Variants in AARS1 observed in about 807,000 individuals in gnomAD.
AARS1 encodes alanine--tRNA ligase, cytoplasmic.
In AARS1, 72 loss-of-function variants were observed where a neutral mutation model predicts 108.9. That is an observed-to-expected ratio of 0.66 (90% confidence interval 0.55 to 0.80). AARS1 has a LOEUF of 0.80. Among genes scored for constraint, AARS1 ranks in the 30% least tolerant of loss-of-function variants. AARS1 has a pLI of 0.00. For synonymous variants in AARS1, 489 were observed against 465.7 expected, an observed-to-expected ratio of 1.05 and a Z score of -0.64; for missense variants, 1,193 against 1,233.2, an observed-to-expected ratio of 0.97 and a Z score of 0.49.
intron 4 of AARS1, 99 bp downstream of exon 4, chr16:70,276,387 G>A: frequency 2.9e-6 from 4 of 1,379,432 alleles, no homozygotes; most frequent in South Asian, 2.3e-5. Context: ...GGAACCCTGA[G>A]ATGCAAAATG....
intron 1 of AARS1, among the ~76,000 whole-genome samples, chr16:70,286,305 A>G (rs1048295257): frequency 6.6e-6 from 1 of 151,664 alleles, no homozygotes; most frequent in South Asian, 2.1e-4. Context: ...TACTAACAGG[A>G]GCTGTAAAGG....
chr16:70,277,277 T>C, intron 2 of AARS1, 123 bp from the exon 3 acceptor site: 2 of 1,066,658 alleles, frequency 1.9e-6, no homozygotes, highest in East Asian at 2.4e-5. Flanking sequence ...GCCTGGAATA[T>C]AGACACTTGT....
At chr16:70,283,486 C>G (rs1253331499) in intron 1 of AARS1, among the ~76,000 whole-genome samples, 1 of 151,912 alleles carries the variant, frequency 6.6e-6, no homozygotes, top group Non-Finnish European at 1.5e-5. Flanking sequence ...GAGAGAGGCT[C>G]AGGAGACCGG....
At chr16:70,272,243 G>A (rs1279170904) in intron 4 of AARS1, among the ~76,000 whole-genome samples, 2 of 152,234 alleles carry the variant, frequency 1.3e-5, no homozygotes, top group Admixed American at 6.5e-5. Context: ...GGTGGCTCAT[G>A]CCTGTAATCC....
chr16:70,275,042 C>T (rs1397744144), intron 4 of AARS1, among the ~76,000 whole-genome samples: 1 of 149,444 alleles, frequency 6.7e-6, no homozygotes, highest in Non-Finnish European at 1.5e-5. Context: ...GGTGGATCAC[C>T]TGAAGTCAGG....
chr16:70,265,787 T>A, intron 9 of AARS1, 125 bp from the exon 10 acceptor site: 3 of 1,211,492 alleles, frequency 2.5e-6, no homozygotes, highest in Non-Finnish European at 3.5e-6. Context: ...ATCGGCCCTG[T>A]GTGCCCATCA....
At chr16:70,260,752 T>A (rs1023436496) in intron 13 of AARS1, among the ~76,000 whole-genome samples, 2 of 151,870 alleles carry the variant, frequency 1.3e-5, no homozygotes, top group Admixed American at 1.3e-4. Flanking sequence ...AAGCTCCCCC[T>A]CCCGGGTTCA....
chr16:70,270,382 A>C (rs1224523226), intron 5 of AARS1, 42 bp from the exon 6 acceptor site: 1 of 1,612,096 alleles, frequency 6.2e-7, no homozygotes, highest in Non-Finnish European at 8.5e-7. Flanking sequence ...CAGAGACTCA[A>C]GCTGCCACCT....
chr16:70,254,255 C>A, intron 17 of AARS1: 1 of 653,912 alleles, frequency 1.5e-6, no homozygotes, highest in East Asian at 2.8e-5. Context: ...CCAAATCAGG[C>A]CCGGTCCTTA....
rs1392470267 is a variant in AARS1 at position 70,282,629 on chromosome 16, G to A, written c.135C>T (p.Gly45=). The A allele has an allele frequency of 6.2e-7, 1 of 1,614,166 alleles. No homozygotes were observed. The highest frequency in any genetic ancestry group is 1.3e-5 in the African/African-American group (1 of 75,046). The change falls in exon 2 of 21, where the codon GGC becomes GGT. Residue 45 remains glycine (G), a synonymous_variant. Coordinates refer to ENST00000261772, the MANE Select transcript of AARS1 (RefSeq NM_001605.3). ...AAGGAAAAACCCTTACCTGGTTCATGCCTGCATTGGCAAAGAGCAAAGTGG... is the reference window on the plus strand; with the variant it reads ...AAGGAAAAACCCTTACCTGGTTCATACCTGCATTGGCAAAGAGCAAAGTGG... ...DDPTLLFANA[G]MNQFKPIFLN...
chr16:70,255,751 C>G lies in AARS1; in HGVS notation c.2263G>C (p.Val755Leu), dbSNP rs1369443577. ...ACCTTCTGGGCCTCGGCACCTGTGA[C>G]AGCCACAATCCTCCGGATACCCTTG... ...IAKGIRRIVA[V>L]TGAEAQKALR... Residue 755 changes from valine (V) to leucine (L), a missense_variant, in exon 16 of 21, where the codon GTC becomes CTC. By Grantham distance (32) the Val-to-Leu change is conservative (BLOSUM62 1). Coordinates refer to ENST00000261772, the MANE Select transcript of AARS1 (RefSeq NM_001605.3). 6 of 1,614,204 alleles carry G rather than the reference C, an allele frequency of 3.7e-6. No individual in the cohort carries two copies. The highest frequency in any genetic ancestry group is 5.1e-6 in the Non-Finnish European group (6 of 1,180,026).
intron 4 of AARS1, among the ~76,000 whole-genome samples, chr16:70,274,585 G>A (rs1298792257): frequency 2.0e-5 from 3 of 151,766 alleles, no homozygotes; most frequent in Non-Finnish European, 1.5e-5. Flanking sequence ...TTAGCCAGGC[G>A]TGGTAGTGTG....
chr16:70,278,383 T>C (rs1960604191), intron 2 of AARS1, among the ~76,000 whole-genome samples: 1 of 151,760 alleles, frequency 6.6e-6, no homozygotes, highest in Non-Finnish European at 1.5e-5. Context: ...CTGACCAACA[T>C]GGAGAAACCC....
intron 2 of AARS1, among the ~76,000 whole-genome samples, chr16:70,278,721 A>G (rs559132475): frequency 6.6e-6 from 1 of 152,232 alleles, no homozygotes; most frequent in Admixed American, 6.5e-5. Context: ...TTAGATCACA[A>G]ACTCCTTAAA....
rs760839902 is a variant in AARS1, at chr16:70,271,777, C to A, written c.671+4G>T. ...AAAGGAATGGAGTAGGAACCCAAGG[C>A]TACCTGTTATACTGGATGAACACAA... On this transcript the variant is annotated splice_donor_region_variant and intron_variant, in intron 5 of 20. Coordinates refer to ENST00000261772, the MANE Select transcript of AARS1 (RefSeq NM_001605.3). The A allele has an allele frequency of 3.1e-6, 5 of 1,613,876 alleles. No homozygotes were observed. Among genetic ancestry groups the A allele is most frequent in the Non-Finnish European group, 2.5e-6 (3 of 1,179,944 alleles).
Position 70,252,915 on chromosome 16 carries a change from C to G in AARS1, c.2722-9G>C. 6.2e-7 allele frequency: 1 copy of G among 1,614,002 alleles called. No individual in the cohort carries two copies. Among genetic ancestry groups the G allele is most frequent in the Non-Finnish European group, 8.5e-7 (1 of 1,179,992 alleles). On this transcript the variant is annotated splice_polypyrimidine_tract_variant and intron_variant, in intron 20 of 20. Coordinates refer to ENST00000261772, the MANE Select transcript of AARS1 (RefSeq NM_001605.3). ...CCCCGATTGGCTGCATTCTAGAAGA[C>G]AGGAAGGGAAGGGGGAGTCAGCACA...
intron 17 of AARS1, 62 bp from the exon 18 acceptor site, chr16:70,254,100 C>T: frequency 6.2e-7 from 1 of 1,606,320 alleles, no homozygotes. Context: ...CAGGGTCCAG[C>T]CCACCCCACC....
chr16:70,276,691 GAGACCAGA>G, intron 3 of AARS1, 60 bp from the exon 4 acceptor site: 1 of 1,549,520 alleles, frequency 6.5e-7, no homozygotes, highest in African/African-American at 1.4e-5. Context: ...TATTTAGTAT[GAGACCAGA>G]TGCTAGGAAC....
Position 70,275,936 on chromosome 16 carries a change from C to CAAAAAAAAAAAAA in AARS1, c.479+537_479+549dup, listed in dbSNP as rs59002209. 81 of 37,924 alleles carry CAAAAAAAAAAAAA rather than the reference C, an allele frequency of 2.1e-3. 5 individuals are homozygous for CAAAAAAAAAAAAA. Among genetic ancestry groups the CAAAAAAAAAAAAA allele is most frequent in the African/African-American group, 8.4e-3 (79 of 9,422 alleles). 2.3% of individuals were successfully genotyped at this position (37,924 alleles called of 1,614,324 possible). A position where few individuals can be genotyped will look rare whatever the true frequency, so the allele number is the denominator to read the frequency against. On this transcript the variant is annotated intron_variant, in intron 4 of 20. Transcript: ENST00000261772. ...TGGGAGACAGAGCAAGACTCCATCT[C>CAAAAAAAAAAAAA]AAAAAAAAAAAAAAAAAAAAAAAAA...
Sources: gnomAD v4.1 joint callset for allele counts (sites outside exome capture counted in the v4.1 genomes callset) on GRCh38, gnomAD v4.1.1 for gene constraint, MANE v1.5 for transcripts, NCBI Gene and HGNC (gene_info 2026-07-23, HGNC 2026-07-21) for gene names.